The following SLITRK6 variants were observed in gnomAD, a reference collection of about 807,000 sequenced individuals.
SLITRK6 encodes SLIT and NTRK like family member 6.
A neutral mutation model predicts 55.6 loss-of-function variants in SLITRK6; 35 were observed. The ratio of observed to expected loss-of-function variants is 0.63; its 90% CI spans 0.48 to 0.83. SLITRK6 has a LOEUF of 0.83. Among genes scored for constraint, SLITRK6 ranks in the 40% least tolerant of loss-of-function variants. The pLI, the probability that SLITRK6 is intolerant of heterozygous loss-of-function variation, is 0.00. For synonymous variants in SLITRK6, 392 were observed against 359.6 expected (o/e 1.09, Z -1.02); for missense variants, 977 against 986.4 (o/e 0.99, Z 0.13).
Position 85,794,558 on chromosome 13 carries a change from T to G in SLITRK6, c.1951A>C (p.Asn651His). ...KKQVDEQMRD[N>H]SPVHLQYSMY... Reference sequence around the variant, plus strand: ...CTGTACTGAAGATGCACAGGACTGTTGTCTCTCATTTGCTCATCTACTTGT... The same window carrying G: ...CTGTACTGAAGATGCACAGGACTGTGGTCTCTCATTTGCTCATCTACTTGT... The change falls in exon 2 of 2, where the codon AAC becomes CAC. Residue 651 changes from asparagine (N) to histidine (H), a missense_variant. Transcript: ENST00000647374. The G allele has an allele frequency of 6.2e-7, 1 of 1,613,202 alleles. No homozygotes were observed. The highest frequency in any genetic ancestry group is 8.5e-7 in the Non-Finnish European group (1 of 1,179,550).
Position 85,795,739 on chromosome 13 carries a change from A to G in SLITRK6, c.770T>C (p.Ile257Thr), listed in dbSNP as rs1196451660. Residue 257 changes from isoleucine (I) to threonine (T), a missense_variant, in exon 2 of 2, where the codon ATA becomes ACA. Ile to Thr is a moderately conservative substitution (Grantham distance 89). Transcript: ENST00000647374. ...CNSPPFFKGSILSRLKKESIC... is the reference protein window; with the variant it reads ...CNSPPFFKGSTLSRLKKESIC... The stretch of plus-strand genomic sequence containing the variant: ...AGATTCCTTCTTTAGTCTACTGAGT[A>G]TACTTCCTTTAAAAAATGGAGGGCT... 1.2e-6 allele frequency: 2 copies of G among 1,612,814 alleles called. No individual in the cohort carries two copies. Among genetic ancestry groups the G allele is most frequent in the Non-Finnish European group, 8.5e-7 (1 of 1,179,330 alleles).
rs777311813 is a variant in SLITRK6, at chr13:85,793,659, C to T, written c.*324G>A. 1.9e-5 allele frequency: 4 copies of T among 213,732 alleles called. No individual in the cohort carries two copies. The highest frequency in any genetic ancestry group is 3.7e-5 in the Non-Finnish European group (4 of 108,216). The allele number at this position is 213,732 out of a possible 1,614,324, so 13.2% of individuals were successfully genotyped here. ...ATAGGGAAAGCAATTCAAGAAAATT[C>T]GGGATACTTAAATGTTCAGCCTTTT... On this transcript the variant is annotated 3_prime_UTR_variant, in exon 2 of 2. Transcript: ENST00000647374.
chr13:85,796,659 T>A, intron 1 of SLITRK6, 127 bp from the exon 2 acceptor site: 1 of 657,790 alleles, frequency 1.5e-6, no homozygotes, highest in Non-Finnish European at 2.2e-6. Context: ...AAAATATGGG[T>A]ACCTTGCTGC....
Position 85,795,921 on chromosome 13 carries a change from TTG to T in SLITRK6, c.586_587del (p.Gln196AsnfsTer29). 6.2e-7 allele frequency: 1 copy of T among 1,613,000 alleles called. No individual in the cohort carries two copies. Among genetic ancestry groups the T allele is most frequent in the South Asian group, 1.1e-5 (1 of 91,036 alleles). Reference protein sequence around the residue: ...THLDLRGNQLQTLPYVGFLEH... With the variant: ...THLDLRGNQLXTLPYVGFLEH... ...CGAGAAAACCAACATAAGGCAATGT[TTG>T]TAATTGATTTCCACGAAGATCTAGA... is the stretch of plus-strand genomic sequence containing the variant. On this transcript the variant is annotated frameshift_variant, in exon 2 of 2. Coordinates refer to ENST00000647374, the MANE Select transcript of SLITRK6 (RefSeq NM_032229.3). LOFTEE classifies it high-confidence loss of function.
In SLITRK6 at chr13:85,793,434, CCTTT is replaced by C. The variant is rs1233136374; in HGVS notation, c.*545_*548del. The stretch of plus-strand genomic sequence containing the variant: ...CCACCCATGGCCTATATAATTGCAA[CCTTT>C]CTATTTTTTCTTCACTATTACTATT... On this transcript the variant is annotated 3_prime_UTR_variant, in exon 2 of 2. Coordinates refer to ENST00000647374, the MANE Select transcript of SLITRK6 (RefSeq NM_032229.3). 1.3e-5 allele frequency: 2 copies of C among 152,282 alleles called. No individual in the cohort carries two copies. The highest frequency in any genetic ancestry group is 4.8e-5 in the African/African-American group (2 of 41,388). 9.4% of individuals were successfully genotyped at this position (152,282 alleles called of 1,614,324 possible). A position where few individuals can be genotyped will look rare whatever the true frequency, so the allele number is the denominator to read the frequency against.
chr13:85,795,292 G>A lies in SLITRK6; in HGVS notation c.1217C>T (p.Ser406Leu), dbSNP rs1243884063. 2 of 1,612,662 alleles carry A rather than the reference G, an allele frequency of 1.2e-6. No homozygotes were observed. Among genetic ancestry groups the A allele is most frequent in the South Asian group, 1.1e-5 (1 of 91,044 alleles). ...NNRIEVLEEG[S>L]FMNLTRLQKL... ...TTGTAATCTCGTTAGGTTCATAAAC[G>A]ATCCTTCTTCAAGAACTTCAATACG... is the stretch of plus-strand genomic sequence containing the variant. Residue 406 changes from serine to leucine, a missense_variant, in exon 2 of 2, where the codon TCG becomes TTG. Physicochemically the swap from Ser to Leu is moderately radical, Grantham distance 145 (BLOSUM62 -2). Coordinates refer to ENST00000647374, the MANE Select transcript of SLITRK6 (RefSeq NM_032229.3).
In SLITRK6 at chr13:85,796,443, A is replaced by T; in HGVS notation, c.66T>A (p.Thr22=). Residue 22 remains threonine, a synonymous_variant, in exon 2 of 2, where the codon ACT becomes ACA. Transcript: ENST00000647374. ...AAGAGCCTCTGGATGAGAGCACTGG[A>T]GTTTGGGAGTGTAAAGATATACAGG... ...LLACISLHSQ[T]PVLSSRGSCD... The T allele has an allele frequency of 1.2e-6, 2 of 1,604,738 alleles. No individual in the cohort carries two copies. Among genetic ancestry groups the T allele is most frequent in the Non-Finnish European group, 8.5e-7 (1 of 1,176,782 alleles).
At chr13:85,797,845 T>A (rs971213339) in intron 1 of SLITRK6, among the ~76,000 whole-genome samples, 5 of 151,914 alleles carry the variant, frequency 3.3e-5, no homozygotes, top group Non-Finnish European at 5.9e-5. Context: ...AATATTATAC[T>A]TTAAACTTAT....
At chr13:85,798,466 A>G (rs1055792829) in intron 1 of SLITRK6, among the ~76,000 whole-genome samples, 20 of 152,044 alleles carry the variant, frequency 1.3e-4, no homozygotes, top group Admixed American at 4.6e-4. Flanking sequence ...CTCTACTGAC[A>G]ATATCTGATA....
chr13:85,793,810 A>T lies in SLITRK6; in HGVS notation c.*173T>A. The T allele has an allele frequency of 1.6e-6, 1 of 637,660 alleles. No individual in the cohort carries two copies. The highest frequency in any genetic ancestry group is 2.5e-6 in the Non-Finnish European group (1 of 404,658). The allele number at this position is 637,660 out of a possible 1,614,324, so 39.5% of individuals were successfully genotyped here. On this transcript the variant is annotated 3_prime_UTR_variant, in exon 2 of 2. Coordinates refer to ENST00000647374, the MANE Select transcript of SLITRK6 (RefSeq NM_032229.3). The stretch of plus-strand genomic sequence containing the variant: ...GACTAAATTGCCTGAAGATAATGCC[A>T]TGGCTTCTCCCAGTGATCCCTGAGT...
At position 85,794,151 on chromosome 13, in the gene SLITRK6, C is replaced by T. The variant is rs369137915; in HGVS notation, c.2358G>A (p.Met786Ile). The T allele has an allele frequency of 1.2e-6, 2 of 1,613,052 alleles. No homozygotes were observed. The highest frequency in any genetic ancestry group is 3.3e-5 in the Admixed American group (2 of 59,818). Residue 786 changes from methionine to isoleucine, a missense_variant, in exon 2 of 2, where the codon ATG becomes ATA. Met to Ile is a conservative substitution (Grantham distance 10, BLOSUM62 1). Transcript: ENST00000647374. The part of the protein sequence containing the change: ...RKNIAQLQPD[M>I]EAHYPGAHEE... ...CGTGGGCTCCAGGATAATGTGCCTC[C>T]ATATCAGGCTGGAGCTGAGCAATGT...
At chr13:85,797,172 A>G (rs1874753468) in intron 1 of SLITRK6, among the ~76,000 whole-genome samples, 1 of 113,204 alleles carries the variant, frequency 8.8e-6, no homozygotes, top group Admixed American at 7.9e-5. Context: ...TATATATACT[A>G]ATTTTATTGT....
At position 85,795,847 on chromosome 13, in the gene SLITRK6, G is replaced by A; in HGVS notation, c.662C>T (p.Ala221Val). The change falls in exon 2 of 2, where the codon GCC (alanine) becomes GTC (valine). Residue 221 changes from alanine (A) to valine (V), a missense_variant. Ala to Val is a moderately conservative substitution (Grantham distance 64). Coordinates refer to ENST00000647374, the MANE Select transcript of SLITRK6 (RefSeq NM_032229.3). The stretch of plus-strand genomic sequence containing the variant: ...TAACTGCAATAAGTCACAATTGCAG[G>A]CCCATTTGTTGTCCTCCAACTGAAG... ...LDLQLEDNKWACNCDLLQLKT... is the reference protein window; with the variant it reads ...LDLQLEDNKWVCNCDLLQLKT... The A allele has an allele frequency of 6.2e-7, 1 of 1,612,936 alleles. No homozygotes were observed. Among genetic ancestry groups the A allele is most frequent in the East Asian group, 2.2e-5 (1 of 44,808 alleles).
Position 85,795,794 on chromosome 13 carries a change from G to A in SLITRK6, c.715C>T (p.Gln239Ter). The A allele has an allele frequency of 6.2e-7, 1 of 1,612,872 alleles. No homozygotes were observed. The highest frequency in any genetic ancestry group is 8.5e-7 in the Non-Finnish European group (1 of 1,179,412). ...LKTWLENMPP[Q>*]SIIGDVVCNS... ...CAGACAACATCACCAATTATAGACT[G>A]TGGAGGCATGTTCTCCAACCAAGTT... The change falls in exon 2 of 2, where the codon CAG (glutamine) becomes TAG (stop). Residue 239 changes from glutamine (Q) to a stop codon, truncating the protein, a stop_gained. Coordinates refer to ENST00000647374, the MANE Select transcript of SLITRK6 (RefSeq NM_032229.3). LOFTEE classifies it high-confidence loss of function.
At position 85,794,946 on chromosome 13, in the gene SLITRK6, G is replaced by A; in HGVS notation, c.1563C>T (p.Cys521=). ...QIDLEDNPWD[C]SCDLVGLQQW... is the part of the protein sequence containing the mutation. ...GCTGCAGTCCAACCAGGTCACAGGA[G>A]CAGTCCCAGGGGTTATCCTCAAGGT... The change falls in exon 2 of 2, where the codon TGC becomes TGT. Residue 521 remains cysteine, a synonymous_variant. Coordinates refer to ENST00000647374, the MANE Select transcript of SLITRK6 (RefSeq NM_032229.3). 1.9e-6 allele frequency: 3 copies of A among 1,613,096 alleles called. No homozygotes were observed. The highest frequency in any genetic ancestry group is 2.5e-6 in the Non-Finnish European group (3 of 1,179,484).
chr13:85,797,157 A>G (rs1874752635), intron 1 of SLITRK6, among the ~76,000 whole-genome samples: 2 of 149,934 alleles, frequency 1.3e-5, no homozygotes, highest in South Asian at 2.1e-4. Flanking sequence ...TTGGCTATAT[A>G]TATATATATA....
In SLITRK6 at chr13:85,795,755, A is replaced by T. The variant is rs1874699256; in HGVS notation, c.754T>A (p.Phe252Ile). The change falls in exon 2 of 2, where the codon TTT (phenylalanine) becomes ATT (isoleucine). Residue 252 changes from phenylalanine to isoleucine, a missense_variant. Phe to Ile is a conservative substitution (Grantham distance 21). Transcript: ENST00000647374. ...CTACTGAGTATACTTCCTTTAAAAAATGGAGGGCTGTTGCAGACAACATCA... is the reference window on the plus strand; with the variant it reads ...CTACTGAGTATACTTCCTTTAAAAATTGGAGGGCTGTTGCAGACAACATCA... ...IGDVVCNSPP[F>I]FKGSILSRLK... The T allele has an allele frequency of 1.2e-6, 2 of 1,612,806 alleles. No homozygotes were observed. Among genetic ancestry groups the T allele is most frequent in the Non-Finnish European group, 1.7e-6 (2 of 1,179,334 alleles).
chr13:85,798,644 ATATT>A (rs1245460931), intron 1 of SLITRK6, among the ~76,000 whole-genome samples: 3 of 152,064 alleles, frequency 2.0e-5, no homozygotes, highest in African/African-American at 4.8e-5. Context: ...GAAAGCACAC[ATATT>A]TAGTTTCTAA....
Position 85,793,840 on chromosome 13 carries a change from T to C in SLITRK6, c.*143A>G. 1 of 929,686 alleles carries C rather than the reference T, an allele frequency of 1.1e-6. No individual in the cohort carries two copies. The highest frequency in any genetic ancestry group is 4.3e-5 in the Admixed American group (1 of 23,312). 57.6% of individuals were successfully genotyped at this position (929,686 alleles called of 1,614,324 possible). ...TTCTCCCAGTGATCCCTGAGTTTCT[T>C]TTTCTTCTTCTTTTTTTTTCCCCAT... On this transcript the variant is annotated 3_prime_UTR_variant, in exon 2 of 2. Coordinates refer to ENST00000647374, the MANE Select transcript of SLITRK6 (RefSeq NM_032229.3).
Sources: gnomAD v4.1 joint callset for allele counts (sites outside exome capture counted in the v4.1 genomes callset) on GRCh38, gnomAD v4.1.1 for gene constraint, MANE v1.5 for transcripts, NCBI Gene and HGNC (gene_info 2026-07-23, HGNC 2026-07-21) for gene names.